ANO4: variants seen among roughly 807,000 people sequenced by gnomAD.
ANO4 encodes the protein anoctamin 4, also known as anoctamin-4.
A neutral mutation model predicts 141.9 loss-of-function variants in ANO4; 69 were observed. The observed-to-expected ratio is 0.49, with a 90% CI of 0.40 to 0.59. The LOEUF (loss-of-function observed/expected upper bound fraction) is 0.59, where lower values mean the gene tolerates loss of function less well. ANO4 is among the 20% of genes least tolerant of loss of function. ANO4 has a pLI of 0.00. For missense variants in ANO4, 894 were observed against 1,162.2 expected (o/e 0.77, Z 3.36); for synonymous variants, 350 against 394.3 (o/e 0.89, Z 1.33).
intron 3 of ANO4, among the ~76,000 whole-genome samples, chr12:100,761,169 A>G (rs1002964447): frequency 2.0e-5 from 3 of 151,972 alleles, no homozygotes; most frequent in Admixed American, 1.3e-4. Context: ...CAAAACCCCA[A>G]TTCTCCCTAG....
chr12:100,907,656 G>C (rs970251760), intron 2 of ANO4, among the ~76,000 whole-genome samples: 9 of 152,200 alleles, frequency 5.9e-5, no homozygotes, highest in African/African-American at 1.9e-4. Context: ...GCATTCTGAA[G>C]TTATATGGCG....
intron 25 of ANO4, among the ~76,000 whole-genome samples, chr12:101,118,418 C>T (rs906662512): frequency 6.6e-6 from 1 of 152,118 alleles, no homozygotes; most frequent in Non-Finnish European, 1.5e-5. Context: ...TTTTGTTTAG[C>T]ATTTTTCTTA....
At chr12:101,119,888 A>G (rs1039598503) in intron 25 of ANO4, among the ~76,000 whole-genome samples, 3 of 152,184 alleles carry the variant, frequency 2.0e-5, no homozygotes, top group Non-Finnish European at 2.9e-5. Flanking sequence ...GGTCCCCAAC[A>G]GGTATTCGGC....
chr12:100,826,706 G>A (rs920327677), intron 1 of ANO4, among the ~76,000 whole-genome samples: 5 of 151,932 alleles, frequency 3.3e-5, no homozygotes, highest in African/African-American at 1.2e-4. Context: ...CTAAGTATGA[G>A]ATCTCAGTGG....
chr12:101,039,576 G>A (rs1049840696), intron 10 of ANO4, among the ~76,000 whole-genome samples: 2 of 152,182 alleles, frequency 1.3e-5, no homozygotes, highest in African/African-American at 4.8e-5. Flanking sequence ...TGGCCCCTGG[G>A]CCAGACACTT....
exon 3 of ANO4, chr12:100,739,862 G>T: frequency 1.4e-6 from 1 of 702,468 alleles, no homozygotes; most frequent in South Asian, 1.5e-5. Flanking sequence ...AGGTTATGAC[G>T]TTGCGGGGCC....
intron 11 of ANO4, among the ~76,000 whole-genome samples, chr12:101,040,952 A>G (rs1025844592): frequency 4.0e-5 from 6 of 151,876 alleles, no homozygotes; most frequent in African/African-American, 1.5e-4. Context: ...TTTTGGCTGC[A>G]TAGTATCCCA....
At chr12:101,100,784 A>G (rs1222239253) in intron 22 of ANO4, among the ~76,000 whole-genome samples, 2 of 152,268 alleles carry the variant, frequency 1.3e-5, no homozygotes, top group African/African-American at 2.4e-5. Flanking sequence ...TGTTTTTGCT[A>G]TTTTCTTAAT....
intron 3 of ANO4, among the ~76,000 whole-genome samples, chr12:100,936,379 C>G (rs1224146874): frequency 6.6e-6 from 1 of 152,134 alleles, no homozygotes; most frequent in African/African-American, 2.4e-5. Flanking sequence ...CTTTCACTGT[C>G]CCCCTCTCCC....
intron 3 of ANO4, among the ~76,000 whole-genome samples, chr12:100,745,000 C>T (rs2032039365): frequency 6.6e-6 from 1 of 151,950 alleles, no homozygotes; most frequent in African/African-American, 2.4e-5. Context: ...CCCACCTTTT[C>T]TTCCTCTTTT....
chr12:101,097,982 T>A, intron 21 of ANO4, 37 bp downstream of exon 21: 2 of 1,574,318 alleles, frequency 1.3e-6, no homozygotes, highest in South Asian at 2.2e-5. Flanking sequence ...GAGGCAGCAT[T>A]GCTCATTATT....
intron 1 of ANO4, among the ~76,000 whole-genome samples, chr12:100,865,815 C>T (rs139560284): frequency 0.011 from 1,651 of 152,222 alleles, 38 homozygotes; most frequent in African/African-American, 0.037. Flanking sequence ...GACATTACAG[C>T]GCTGTGGGAC....
intron 3 of ANO4, among the ~76,000 whole-genome samples, chr12:100,760,172 TCAG>T (rs1328861167): frequency 6.6e-6 from 1 of 152,230 alleles, no homozygotes; most frequent in African/African-American, 2.4e-5. Context: ...ACACTGGACT[TCAG>T]CAGGCTTTAA....
chr12:100,743,154 C>T (rs1470216893), intron 3 of ANO4, among the ~76,000 whole-genome samples: 1 of 152,050 alleles, frequency 6.6e-6, no homozygotes, highest in African/African-American at 2.4e-5. Flanking sequence ...GTAAGGCAAG[C>T]ATTCTGATTC....
chr12:100,842,232 A>C (rs1029876112), intron 1 of ANO4: 2 of 151,840 alleles, frequency 1.3e-5, no homozygotes, highest in Non-Finnish European at 2.9e-5. Context: ...GACATTCTTC[A>C]TATAGGTCAG....
At chr12:100,783,967 C>CA (rs2033785542) in intron 3 of ANO4, among the ~76,000 whole-genome samples, 1 of 139,236 alleles carries the variant, frequency 7.2e-6, no homozygotes, top group Non-Finnish European at 1.6e-5. Flanking sequence ...TTGTGGAGGC[C>CA]ATGGAGTGTA....
chr12:100,959,112 CCACAGACA>C (rs2043296348), intron 5 of ANO4, among the ~76,000 whole-genome samples: 1 of 151,662 alleles, frequency 6.6e-6, no homozygotes, highest in African/African-American at 2.4e-5. Flanking sequence ...CAACCCCCCT[CCACAGACA>C]CACACACACA....
chr12:100,893,575 C>T (rs1049128319), intron 1 of ANO4, among the ~76,000 whole-genome samples: 1 of 152,078 alleles, frequency 6.6e-6, no homozygotes, highest in African/African-American at 2.4e-5. Flanking sequence ...CAAAAGAGAC[C>T]AAGCCTAAAC....
intron 1 of ANO4, among the ~76,000 whole-genome samples, chr12:100,870,140 G>A (rs2038959275): frequency 6.6e-6 from 1 of 152,158 alleles, no homozygotes; most frequent in Non-Finnish European, 1.5e-5. Flanking sequence ...CAGTTACTGG[G>A]ACTTGGAGAC....
Sources: allele counts gnomAD v4.1 joint callset (sites outside exome capture counted in the v4.1 genomes callset), GRCh38; gene constraint gnomAD v4.1.1; transcripts MANE v1.5; gene names NCBI Gene and HGNC (gene_info 2026-07-23, HGNC 2026-07-21).